The following VPS13B variants were observed in gnomAD, a reference collection of about 807,000 sequenced individuals.
The protein encoded by VPS13B is intermembrane lipid transfer protein VPS13B.
Under a neutral mutation model 426.4 loss-of-function variants are expected in VPS13B, and 285 were observed. The ratio of observed to expected loss-of-function variants is 0.67; its 90% CI spans 0.61 to 0.74. The LOEUF (loss-of-function observed/expected upper bound fraction) is 0.74, where lower values mean the gene tolerates loss of function less well. Among genes scored for constraint, VPS13B ranks in the 30% least tolerant of loss-of-function variants. VPS13B has a pLI of 0.00. For missense variants in VPS13B, 4,537 were observed against 4,782.6 expected, an observed-to-expected ratio of 0.95 and a Z score of 1.51; for synonymous variants, 1,676 against 1,676.4, an observed-to-expected ratio of 1.00 and a Z score of 0.01.
chr8:99,788,539 TA>T (rs1159963432), intron 43 of VPS13B, among the ~76,000 whole-genome samples: 1 of 152,100 alleles, frequency 6.6e-6, no homozygotes, highest in Non-Finnish European at 1.5e-5. Context: ...ACTTTTCCTG[TA>T]AAGGGCCAGA....
chr8:99,452,690 T>C (rs1166840481), intron 23 of VPS13B, among the ~76,000 whole-genome samples: 1 of 152,186 alleles, frequency 6.6e-6, no homozygotes, highest in African/African-American at 2.4e-5. Context: ...ACATAGATGA[T>C]TAATAGGATG....
intron 17 of VPS13B, among the ~76,000 whole-genome samples, chr8:99,212,729 TTG>T (rs1440632851): frequency 6.6e-6 from 1 of 152,176 alleles, no homozygotes; most frequent in Non-Finnish European, 1.5e-5. Flanking sequence ...GTGATATAGT[TTG>T]TCAGGATAAA....
At chr8:99,656,214 T>C (rs1830012129) in intron 34 of VPS13B, among the ~76,000 whole-genome samples, 1 of 152,200 alleles carries the variant, frequency 6.6e-6, no homozygotes, top group South Asian at 2.1e-4. Flanking sequence ...CTTATGAAAG[T>C]GAAATCGAAC....
intron 54 of VPS13B, among the ~76,000 whole-genome samples, chr8:99,846,593 C>G (rs1815996247): frequency 6.6e-6 from 1 of 152,120 alleles, no homozygotes; most frequent in South Asian, 2.1e-4. Flanking sequence ...TGTGAAAAGA[C>G]AAGGATAGAC....
intron 3 of VPS13B, among the ~76,000 whole-genome samples, chr8:99,041,722 C>T (rs909606534): frequency 6.6e-6 from 1 of 151,738 alleles, no homozygotes; most frequent in South Asian, 2.1e-4. Flanking sequence ...GCGTGGTGGC[C>T]GGCGCCTGTA....
intron 17 of VPS13B, among the ~76,000 whole-genome samples, chr8:99,248,856 T>C (rs974135604): frequency 6.6e-6 from 1 of 152,126 alleles, no homozygotes; most frequent in African/African-American, 2.4e-5. Context: ...CCCTTGAGCT[T>C]CTCCCCCACT....
intron 19 of VPS13B, among the ~76,000 whole-genome samples, chr8:99,333,084 T>G (rs1357375086): frequency 6.6e-6 from 1 of 151,758 alleles, no homozygotes; most frequent in Non-Finnish European, 1.5e-5. Flanking sequence ...TAAATAGTAT[T>G]AGGTTACTGG....
At chr8:99,861,227 A>T (rs1402245580) in intron 57 of VPS13B, among the ~76,000 whole-genome samples, 1 of 152,208 alleles carries the variant, frequency 6.6e-6, no homozygotes, top group African/African-American at 2.4e-5. Context: ...TGCACCTGCG[A>T]TTCTTACCCT....
At chr8:99,153,452 C>G (rs1811183333) in intron 14 of VPS13B, among the ~76,000 whole-genome samples, 2 of 152,012 alleles carry the variant, frequency 1.3e-5, no homozygotes, top group Non-Finnish European at 2.9e-5. Context: ...TTTCTCTCCT[C>G]TATTAACCTA....
intron 17 of VPS13B, among the ~76,000 whole-genome samples, chr8:99,262,863 T>C (rs1293716058): frequency 1.3e-5 from 2 of 151,940 alleles, no homozygotes; most frequent in African/African-American, 2.4e-5. Flanking sequence ...CATGACGCAC[T>C]GAAGCCTCAA....
At chr8:99,338,516 T>C (rs13260338) in intron 19 of VPS13B, among the ~76,000 whole-genome samples, 9,052 of 152,170 alleles carry the variant, frequency 0.059, 386 homozygotes, top group Non-Finnish European at 0.094. Context: ...AGATGTGACT[T>C]CTAAGAATTG....
intron 54 of VPS13B, among the ~76,000 whole-genome samples, chr8:99,844,428 C>G (rs1373702469): frequency 6.8e-6 from 1 of 147,514 alleles, no homozygotes; most frequent in Non-Finnish European, 1.5e-5. Flanking sequence ...AGTGCAGTGG[C>G]CCGGTCTCGG....
chr8:99,164,263 C>T (rs1290070725), intron 15 of VPS13B, among the ~76,000 whole-genome samples: 2 of 152,292 alleles, frequency 1.3e-5, no homozygotes, highest in Non-Finnish European at 2.9e-5. Flanking sequence ...TGAGTAACAG[C>T]AAGATGGCTG....
intron 19 of VPS13B, among the ~76,000 whole-genome samples, chr8:99,328,915 G>GT (rs2133149241): frequency 6.6e-6 from 1 of 152,152 alleles, no homozygotes; most frequent in Non-Finnish European, 1.5e-5. Context: ...AAAAATCTTT[G>GT]TAAGTTTGAC....
At chr8:99,609,987 C>T (rs1180958105) in intron 33 of VPS13B, among the ~76,000 whole-genome samples, 4 of 152,168 alleles carry the variant, frequency 2.6e-5, no homozygotes, top group Middle Eastern at 3.2e-3. Context: ...TCTGGGACCT[C>T]GGGGGATCTG....
In VPS13B at chr8:99,078,219, C is replaced by T. The variant is rs1845243269; in HGVS notation, c.292-18093C>T. On this transcript the variant is annotated intron_variant, in intron 3 of 61. Coordinates refer to ENST00000357162, the MANE Select transcript of VPS13B (RefSeq NM_152564.5). ...GTGTTGCTTTGGAGGTGTCATGTTT[C>T]CTTGCTTTTTTATGTTTCTTGTGTC... is the stretch of plus-strand genomic sequence containing the variant. Among the ~76,000 whole-genome samples, 3 of 150,136 alleles carry T rather than the reference C, an allele frequency of 2.0e-5. No individual in the cohort carries two copies. In the Admixed American group the frequency reaches 2.0e-4, roughly 10 times the overall value.
intron 16 of VPS13B, among the ~76,000 whole-genome samples, chr8:99,187,637 G>C (rs1402558461): frequency 2.6e-5 from 4 of 152,058 alleles, no homozygotes; most frequent in African/African-American, 7.2e-5. Context: ...TTTCTTATTG[G>C]GCAACTGTGT....
At chr8:99,803,034 A>G (rs1253257863) in intron 43 of VPS13B, among the ~76,000 whole-genome samples, 1 of 152,184 alleles carries the variant, frequency 6.6e-6, no homozygotes, top group African/African-American at 2.4e-5. Context: ...TTACTGTGTT[A>G]TTTGACCAAT....
In VPS13B at chr8:99,824,200, C is replaced by T. The variant is rs61439510; in HGVS notation, c.9330+222C>T. 0.011 allele frequency among the ~76,000 whole-genome samples: 1,740 copies of T among 152,260 alleles called. 33 individuals are homozygous for T. Among genetic ancestry groups the T allele is most frequent in the African/African-American group, 0.04 (1,648 of 41,536 alleles). ...CCAAGAAGGAGGCCCTGACACACTG[C>T]TGGATTAGTCCTGCCTGTGCCCCAT... On this transcript the variant is annotated intron_variant, in intron 51 of 61. Transcript: ENST00000357162.
Sources: gnomAD v4.1 joint callset for allele counts (sites outside exome capture counted in the v4.1 genomes callset) on GRCh38, gnomAD v4.1.1 for gene constraint, MANE v1.5 for transcripts, NCBI Gene and HGNC (gene_info 2026-07-23, HGNC 2026-07-21) for gene names.